Variants in BCAS1 observed in about 807,000 individuals in gnomAD.
BCAS1 encodes the protein breast carcinoma-amplified sequence 1.
In BCAS1, 46 loss-of-function variants were observed where a neutral mutation model predicts 65.4. The ratio of observed to expected loss-of-function variants is 0.70; its 90% CI spans 0.55 to 0.90. The LOEUF (loss-of-function observed/expected upper bound fraction) is 0.90. Among genes scored for constraint, BCAS1 ranks in the 40% least tolerant of loss-of-function variants. The pLI, the probability that BCAS1 is intolerant of heterozygous loss-of-function variation, is 0.00. For missense variants in BCAS1, 793 were observed against 771.2 expected, an observed-to-expected ratio of 1.03 and a Z score of -0.33; for synonymous variants, 298 against 293.5, an observed-to-expected ratio of 1.02 and a Z score of -0.16.
Position 53,996,039 on chromosome 20 carries a change from G to A in BCAS1, c.735C>T (p.Asp245=), listed in dbSNP as rs766446000. ...GTTCTTGTCCTTCTTTTTCCTTGCC[G>A]TCAACTATGTCCTAGGGGCAAAACA... ...DDVPAGKDIV[D]GKEKEGQELG... The change falls in exon 5 of 13, where the codon GAC becomes GAT. Residue 245 remains aspartate, a synonymous_variant. Coordinates refer to ENST00000688948, the MANE Select transcript of BCAS1 (RefSeq NM_001366298.2). The A allele has an allele frequency of 1.2e-5, 19 of 1,601,074 alleles. No individual in the cohort carries two copies. Among genetic ancestry groups the A allele is most frequent in the South Asian group, 5.6e-5 (5 of 89,096 alleles).
intron 1 of BCAS1, among the ~76,000 whole-genome samples, chr20:54,064,245 A>G (rs2092409597): frequency 1.3e-5 from 2 of 152,200 alleles, no homozygotes; most frequent in Non-Finnish European, 2.9e-5. Flanking sequence ...GGGTACTTTC[A>G]AGATCTCTAG....
At chr20:53,952,465 T>C (rs2089558481) in intron 12 of BCAS1, among the ~76,000 whole-genome samples, 1 of 152,352 alleles carries the variant, frequency 6.6e-6, no homozygotes, top group South Asian at 2.1e-4. Context: ...ATTGATTCTA[T>C]AGTCCATGGA....
intron 4 of BCAS1, among the ~76,000 whole-genome samples, chr20:54,000,518 A>G (rs1416298422): frequency 6.6e-6 from 1 of 152,196 alleles, no homozygotes; most frequent in East Asian, 1.9e-4. Context: ...TGAGAGTATC[A>G]GTCATCAATT....
At chr20:53,970,629 T>C (rs959063410) in intron 9 of BCAS1, among the ~76,000 whole-genome samples, 1 of 152,198 alleles carries the variant, frequency 6.6e-6, no homozygotes, top group Middle Eastern at 3.2e-3. Context: ...CTGTAGAGGA[T>C]ATGGTAGACA....
At chr20:54,004,578 T>G (rs1400400013) in intron 4 of BCAS1, among the ~76,000 whole-genome samples, 1 of 152,202 alleles carries the variant, frequency 6.6e-6, no homozygotes, top group East Asian at 1.9e-4. Flanking sequence ...AAATCTAGAC[T>G]GAGAAATTCC....
chr20:54,043,106 T>G (rs1404325755), intron 3 of BCAS1, among the ~76,000 whole-genome samples: 1 of 152,188 alleles, frequency 6.6e-6, no homozygotes. Context: ...CTTACTGGCT[T>G]AAGACTACGT....
intron 9 of BCAS1, among the ~76,000 whole-genome samples, chr20:53,974,375 C>T (rs576207197): frequency 4.6e-5 from 7 of 152,218 alleles, no homozygotes; most frequent in Admixed American, 3.3e-4. Flanking sequence ...TTGAAGTCAG[C>T]GAGACCAAGA....
At chr20:54,069,742 A>T (rs1478824638) in intron 1 of BCAS1, among the ~76,000 whole-genome samples, 1 of 152,218 alleles carries the variant, frequency 6.6e-6, no homozygotes, top group African/African-American at 2.4e-5. Context: ...CAGATGAGGA[A>T]ACTGAGGCCC....
chr20:53,954,754 A>G (rs1231330039), intron 11 of BCAS1, among the ~76,000 whole-genome samples: 1 of 152,186 alleles, frequency 6.6e-6, no homozygotes, highest in Admixed American at 6.5e-5. Flanking sequence ...CTCCAGTATA[A>G]GAAAAGCACC....
At position 53,963,467 on chromosome 20, in the gene BCAS1, C is replaced by T. The variant is rs560555863; in HGVS notation, c.1485+3439G>A. On this transcript the variant is annotated intron_variant, in intron 10 of 12. Transcript: ENST00000688948. ...TTGCACTCCAGCCTGGGGGACAAAG[C>T]GAGACTGTCTCAAAAAGAAAAAAAA... Among the ~76,000 whole-genome samples, 5 of 149,508 alleles carry T rather than the reference C, an allele frequency of 3.3e-5. 1 individual carries two copies. Among genetic ancestry groups the T allele is most frequent in the African/African-American group, 1.2e-4 (5 of 40,462 alleles).
At chr20:53,993,684 C>T (rs2090823975) in intron 6 of BCAS1, among the ~76,000 whole-genome samples, 1 of 152,186 alleles carries the variant, frequency 6.6e-6, no homozygotes, top group African/African-American at 2.4e-5. Flanking sequence ...TATGTGGCTT[C>T]AAACAACGCA....
intron 3 of BCAS1, among the ~76,000 whole-genome samples, chr20:54,032,605 G>T (rs2091824673): frequency 6.6e-6 from 1 of 151,228 alleles, no homozygotes; most frequent in South Asian, 2.1e-4. Context: ...ACACACATAG[G>T]TTCAAGATAA....
chr20:53,953,624 T>C lies in BCAS1; in HGVS notation c.1623A>G (p.Lys541=). The C allele has an allele frequency of 6.2e-7, 1 of 1,613,962 alleles. No homozygotes were observed. Among genetic ancestry groups the C allele is most frequent in the South Asian group, 1.1e-5 (1 of 91,080 alleles). The change falls in exon 12 of 13, where the codon AAA becomes AAG. Residue 541 remains lysine, a synonymous_variant. Transcript: ENST00000688948. The stretch of plus-strand genomic sequence containing the variant: ...ACTTCTTGTCCTTCGAGGAGCCCTC[T>C]TTACCCTTCTGTGGTGCTCCTGTTG... ...PEPTGAPQKG[K]EGSSKDKKSA... is the part of the protein sequence containing the mutation.
chr20:54,037,894 C>T lies in BCAS1; in HGVS notation c.143-8922G>A, dbSNP rs556847337. The stretch of plus-strand genomic sequence containing the variant: ...GTTTAGTTAATAGAATTAGTGGATA[C>T]CCAAGAAAAAACTATGTACAAGAGG... On this transcript the variant is annotated intron_variant, in intron 3 of 12. Coordinates refer to ENST00000688948, the MANE Select transcript of BCAS1 (RefSeq NM_001366298.2). Among the ~76,000 whole-genome samples, 33 of 151,178 alleles carry T rather than the reference C, an allele frequency of 2.2e-4. 1 individual carries two copies. Among genetic ancestry groups the T allele is most frequent in the Admixed American group, 6.6e-5 (1 of 15,128 alleles).
chr20:54,058,793 G>T, intron 1 of BCAS1, 70 bp from the exon 2 acceptor site: 1 of 1,576,946 alleles, frequency 6.3e-7, no homozygotes, highest in Non-Finnish European at 8.6e-7. Flanking sequence ...TGCTACTAAG[G>T]TGCAGAGGCC....
intron 4 of BCAS1, among the ~76,000 whole-genome samples, chr20:54,024,504 G>A (rs1473002264): frequency 2.0e-5 from 3 of 152,198 alleles, no homozygotes; most frequent in Non-Finnish European, 4.4e-5. Flanking sequence ...CTCACGTCTG[G>A]ACTTCAGGGA....
At chr20:54,031,362 A>C (rs1389673937) in intron 3 of BCAS1, among the ~76,000 whole-genome samples, 1 of 151,314 alleles carries the variant, frequency 6.6e-6, no homozygotes, top group African/African-American at 2.4e-5. Flanking sequence ...GAATGGGTAA[A>C]GTGTTTTTGA....
chr20:53,944,702 G>A lies in BCAS1; in HGVS notation c.*220C>T, dbSNP rs746457888. 7 of 546,578 alleles carry A rather than the reference G, an allele frequency of 1.3e-5. No homozygotes were observed. Among genetic ancestry groups the A allele is most frequent in the Middle Eastern group, 5.1e-4 (1 of 1,942 alleles). 33.9% of individuals were successfully genotyped at this position (546,578 alleles called of 1,614,324 possible). On this transcript the variant is annotated 3_prime_UTR_variant, in exon 13 of 13. Coordinates refer to ENST00000688948, the MANE Select transcript of BCAS1 (RefSeq NM_001366298.2). ...ATCGACTCTTCTGACCCAACTAGGT[G>A]ACCTGCTAAACCATCTTTACTGTTA...
rs1425696819 is a variant in BCAS1 at position 54,033,339 on chromosome 20, C to A, written c.143-4367G>T. ...GGAGATTGAGACATGAAAAACCATTCAAAAGATCAGTGAATTCAGGAGCTG... is the reference window on the plus strand; with the variant it reads ...GGAGATTGAGACATGAAAAACCATTAAAAAGATCAGTGAATTCAGGAGCTG... On this transcript the variant is annotated intron_variant, in intron 3 of 12. Coordinates refer to ENST00000688948, the MANE Select transcript of BCAS1 (RefSeq NM_001366298.2). 1.3e-4 allele frequency among the ~76,000 whole-genome samples: 19 copies of A among 148,172 alleles called. No homozygotes were observed. The Admixed American group carries it at 1.3e-3, about 10-fold the overall frequency.
Sources: allele counts gnomAD v4.1 joint callset (sites outside exome capture counted in the v4.1 genomes callset), GRCh38; gene constraint gnomAD v4.1.1; transcripts MANE v1.5; gene names NCBI Gene and HGNC (gene_info 2026-07-23, HGNC 2026-07-21).